The following RB1 variants were observed in gnomAD, a reference collection of about 807,000 sequenced individuals.
RB1 encodes the protein RB transcriptional corepressor 1, also known as retinoblastoma-associated protein.
A neutral mutation model predicts 135.4 loss-of-function variants in RB1; 18 were observed. That is an observed-to-expected ratio of 0.13 (90% CI 0.09 to 0.20). The LOEUF is 0.20. Ranked by LOEUF, RB1 falls within the 10% of genes least tolerant of loss-of-function variation. The pLI, the probability that RB1 is intolerant of heterozygous loss-of-function variation, is 1.00. For synonymous variants in RB1, 365 were observed against 373.2 expected, an observed-to-expected ratio of 0.98 and a Z score of 0.25; for missense variants, 868 against 1,110.0, an observed-to-expected ratio of 0.78 and a Z score of 3.10.
At chr13:48,418,556 C>A (rs116974760) in intron 17 of RB1, among the ~76,000 whole-genome samples, 6 of 151,960 alleles carry the variant, frequency 3.9e-5, no homozygotes, top group African/African-American at 1.5e-4. Context: ...TAAAAGTAAA[C>A]GGGCTAAGTG....
chr13:48,357,220 T>C (rs1299558539), intron 6 of RB1, among the ~76,000 whole-genome samples: 1 of 151,976 alleles, frequency 6.6e-6, no homozygotes, highest in Non-Finnish European at 1.5e-5. Context: ...TTTGGGAACA[T>C]TTTCTTATGT....
intron 8 of RB1, among the ~76,000 whole-genome samples, chr13:48,363,544 G>A (rs1952663564): frequency 6.6e-6 from 1 of 152,162 alleles, no homozygotes; most frequent in Non-Finnish European, 1.5e-5. Context: ...GCGCCAGAGT[G>A]AGACTATGTC....
intron 17 of RB1, among the ~76,000 whole-genome samples, chr13:48,429,077 G>A (rs1262283254): frequency 2.6e-5 from 4 of 152,048 alleles, no homozygotes. Context: ...TTTAAGCATT[G>A]TTTACTCCCT....
chr13:48,463,643 T>C, intron 20 of RB1, 88 bp from the exon 21 acceptor site: 1 of 870,788 alleles, frequency 1.1e-6, no homozygotes, highest in Non-Finnish European at 1.9e-6. Context: ...CCTTTCTTTT[T>C]TGAGGCTAAA....
At chr13:48,435,981 C>T (rs1410935807) in intron 17 of RB1, among the ~76,000 whole-genome samples, 1 of 152,148 alleles carries the variant, frequency 6.6e-6, no homozygotes, top group Admixed American at 6.6e-5. Flanking sequence ...GGATGAAAAA[C>T]AAAACCCAAC....
chr13:48,318,464 C>G (rs1180127469), intron 2 of RB1: 2 of 1,360,460 alleles, frequency 1.5e-6, no homozygotes, highest in Non-Finnish European at 1.0e-6. Flanking sequence ...CCTTCTCGTC[C>G]AGGTGCCTCA....
At chr13:48,451,712 C>G (rs1433711751) in intron 17 of RB1, among the ~76,000 whole-genome samples, 1 of 149,042 alleles carries the variant, frequency 6.7e-6, no homozygotes, top group Non-Finnish European at 1.5e-5. Context: ...TGGTAGAATT[C>G]AGTTGTGAAT....
At chr13:48,429,600 C>T (rs1351440249) in intron 17 of RB1, 2 of 150,966 alleles carry the variant, frequency 1.3e-5, no homozygotes, top group Non-Finnish European at 3.0e-5. Flanking sequence ...AAAAAAAAAA[C>T]AAAAAACCTT....
intron 17 of RB1, among the ~76,000 whole-genome samples, chr13:48,449,484 A>G (rs550986110): frequency 6.6e-6 from 1 of 152,266 alleles, no homozygotes; most frequent in South Asian, 2.1e-4. Flanking sequence ...GCTGAGTTCC[A>G]ATTCAGTTTT....
intron 12 of RB1, among the ~76,000 whole-genome samples, chr13:48,375,218 C>T (rs1164506448): frequency 6.6e-6 from 1 of 152,082 alleles, no homozygotes; most frequent in Non-Finnish European, 1.5e-5. Context: ...CAATTTAAAG[C>T]TTAACTTTTA....
At chr13:48,361,495 A>C (rs372069056) in intron 7 of RB1, among the ~76,000 whole-genome samples, 21 of 152,284 alleles carry the variant, frequency 1.4e-4, no homozygotes, top group East Asian at 9.6e-4. Flanking sequence ...ACATCTTTGC[A>C]TACCATTTCA....
intron 17 of RB1, among the ~76,000 whole-genome samples, chr13:48,396,612 A>G (rs903400813): frequency 1.3e-5 from 2 of 152,260 alleles, no homozygotes; most frequent in Admixed American, 1.3e-4. Flanking sequence ...CCAAAACACC[A>G]AAAGCAATGG....
chr13:48,449,106 G>A (rs183787960), intron 17 of RB1, among the ~76,000 whole-genome samples: 13 of 151,676 alleles, frequency 8.6e-5, no homozygotes, highest in African/African-American at 7.3e-5. Flanking sequence ...TTGCGTAATC[G>A]CCGTTTTTTT....
At chr13:48,421,558 A>G (rs973755588) in intron 17 of RB1, among the ~76,000 whole-genome samples, 4 of 152,238 alleles carry the variant, frequency 2.6e-5, no homozygotes, top group African/African-American at 7.2e-5. Flanking sequence ...AGCAAAAGAA[A>G]CTATCATCAG....
chr13:48,331,660 A>G (rs890888918), intron 2 of RB1, among the ~76,000 whole-genome samples: 10 of 152,228 alleles, frequency 6.6e-5, no homozygotes, highest in African/African-American at 2.4e-4. Context: ...GTAAATTGGT[A>G]TGTCTTTTAT....
intron 17 of RB1, among the ~76,000 whole-genome samples, chr13:48,430,749 A>AAAAC (rs1949121064): frequency 2.3e-5 from 2 of 88,214 alleles, no homozygotes; most frequent in Admixed American, 1.4e-4. Context: ...CAAAAACAAA[A>AAAAC]AAACAAACAA....
intron 2 of RB1, among the ~76,000 whole-genome samples, chr13:48,329,907 C>T (rs1186846706): frequency 1.3e-5 from 2 of 152,028 alleles, no homozygotes; most frequent in Non-Finnish European, 2.9e-5. Context: ...GGAACATTCT[C>T]CAGGATCAAT....
intron 6 of RB1, among the ~76,000 whole-genome samples, chr13:48,354,254 A>G (rs766766713): frequency 3.9e-5 from 6 of 152,338 alleles, no homozygotes; most frequent in Middle Eastern, 3.4e-3. Context: ...ATAGAAAATC[A>G]ACATACAAAA....
chr13:48,414,939 A>G (rs891956999), intron 17 of RB1, among the ~76,000 whole-genome samples: 3 of 152,140 alleles, frequency 2.0e-5, no homozygotes, highest in African/African-American at 7.2e-5. Flanking sequence ...AGTGGTTAAT[A>G]AGCTTGTATT....
Sources: allele counts gnomAD v4.1 joint callset (sites outside exome capture counted in the v4.1 genomes callset), GRCh38; gene constraint gnomAD v4.1.1; transcripts MANE v1.5; gene names NCBI Gene and HGNC (gene_info 2026-07-23, HGNC 2026-07-21).